HTR7: variants seen among roughly 807,000 people sequenced by gnomAD.
HTR7 encodes the protein 5-HT-7.
A neutral mutation model predicts 34.0 loss-of-function variants in HTR7; 16 were observed. That is an observed-to-expected ratio of 0.47 (90% CI 0.32 to 0.71). The LOEUF (loss-of-function observed/expected upper bound fraction) is 0.71, where lower values mean the gene tolerates loss of function less well. Among genes scored for constraint, HTR7 ranks in the 30% least tolerant of loss-of-function variants. HTR7 has a pLI of 0.04. For missense variants in HTR7, 504 were observed against 625.5 expected, an observed-to-expected ratio of 0.81 and a Z score of 2.07; for synonymous variants, 265 against 260.2, an observed-to-expected ratio of 1.02 and a Z score of -0.18.
In HTR7 at chr10:90,857,004, G is replaced by T; in HGVS notation, c.539+129C>A. 1 of 813,184 alleles carries T rather than the reference G, an allele frequency of 1.2e-6. No homozygotes were observed. The highest frequency in any genetic ancestry group is 1.9e-6 in the Non-Finnish European group (1 of 522,088). 50.4% of individuals were successfully genotyped at this position (813,184 alleles called of 1,614,324 possible). ...GGTGTAGGGTGGATTGGGGGGAGCG[G>T]TGTTTTAAGCGCAGCCCTTCATCCC... On this transcript the variant is annotated intron_variant, in intron 1 of 3. Transcript: ENST00000336152. The surrounding 1 kb of genome is among the most constrained non-coding windows in gnomAD (Gnocchi z 6.5).
chr10:90,787,695 G>A (rs1440390361), intron 1 of HTR7, among the ~76,000 whole-genome samples: 1 of 151,850 alleles, frequency 6.6e-6, no homozygotes, highest in African/African-American at 2.4e-5. Context: ...AAATGAATGA[G>A]GAATTGTAAA....
chr10:90,750,444 A>G (rs1844715880), intron 1 of HTR7, among the ~76,000 whole-genome samples: 2 of 152,338 alleles, frequency 1.3e-5, no homozygotes, highest in East Asian at 3.9e-4. Flanking sequence ...CATATACAGA[A>G]AAGATGTTCT....
At chr10:90,797,530 C>T (rs572814338) in intron 1 of HTR7, among the ~76,000 whole-genome samples, 1 of 152,304 alleles carries the variant, frequency 6.6e-6, no homozygotes, top group South Asian at 2.1e-4. Context: ...ATTGTGGTAA[C>T]TTGAAGGCCT....
chr10:90,751,824 C>A (rs977897549), intron 1 of HTR7, among the ~76,000 whole-genome samples: 2 of 152,210 alleles, frequency 1.3e-5, no homozygotes, highest in Admixed American at 6.5e-5. Flanking sequence ...CTTACTAGAA[C>A]TATGCCTTCC....
intron 1 of HTR7, among the ~76,000 whole-genome samples, chr10:90,784,691 T>C (rs1427907936): frequency 6.6e-6 from 1 of 152,208 alleles, no homozygotes; most frequent in Non-Finnish European, 1.5e-5. Context: ...TTAATGTGAA[T>C]TGACTTTACT....
intron 3 of HTR7, among the ~76,000 whole-genome samples, chr10:90,743,103 C>T (rs2119656479): frequency 6.7e-6 from 1 of 149,884 alleles, no homozygotes; most frequent in East Asian, 2.0e-4. Context: ...CCTCAACTTA[C>T]CACACTACAT....
At chr10:90,821,733 T>C (rs1056268148) in intron 1 of HTR7, among the ~76,000 whole-genome samples, 3 of 152,188 alleles carry the variant, frequency 2.0e-5, no homozygotes, top group African/African-American at 7.2e-5. Context: ...TCTTCAGTGT[T>C]GGAGAAAGGG....
At chr10:90,788,698 T>G (rs2119872138) in intron 1 of HTR7, among the ~76,000 whole-genome samples, 1 of 152,308 alleles carries the variant, frequency 6.6e-6, no homozygotes, top group Non-Finnish European at 1.5e-5. Context: ...AAATTTTGAA[T>G]GTACTTCATA....
chr10:90,742,545 G>A lies in HTR7; in HGVS notation c.1394-17C>T. 6.5e-7 allele frequency: 1 copy of A among 1,530,530 alleles called. No individual in the cohort carries two copies. The highest frequency in any genetic ancestry group is 8.9e-7 in the Non-Finnish European group (1 of 1,117,666). 94.8% of individuals were successfully genotyped at this position (1,530,530 alleles called of 1,614,324 possible). A position where few individuals can be genotyped will look rare whatever the true frequency, so the allele number is the denominator to read the frequency against. The stretch of plus-strand genomic sequence containing the variant: ...GCATTTTGTCTAAAAAAAAGAGAGA[G>A]AAAAATAGAAAATAATTTAGTAGAA... On this transcript the variant is annotated splice_polypyrimidine_tract_variant and intron_variant, in intron 3 of 3. Coordinates refer to ENST00000336152, the MANE Select transcript of HTR7 (RefSeq NM_019859.4).
At chr10:90,813,072 C>T (rs1845840851) in intron 1 of HTR7, among the ~76,000 whole-genome samples, 1 of 152,032 alleles carries the variant, frequency 6.6e-6, no homozygotes. Flanking sequence ...CCACTCCTGC[C>T]CGCCAGAGAA....
chr10:90,833,315 T>G (rs1356654946), intron 1 of HTR7, among the ~76,000 whole-genome samples: 1 of 152,226 alleles, frequency 6.6e-6, no homozygotes, highest in Non-Finnish European at 1.5e-5. Flanking sequence ...GATACATGAT[T>G]TACCATGAAT....
chr10:90,749,548 C>T lies in HTR7; in HGVS notation c.586G>A (p.Gly196Arg). 6.2e-7 allele frequency: 1 copy of T among 1,613,924 alleles called. No individual in the cohort carries two copies. The highest frequency in any genetic ancestry group is 8.5e-7 in the Non-Finnish European group (1 of 1,179,890). The change falls in exon 2 of 4, where the codon GGG becomes AGG. Residue 196 changes from glycine (G) to arginine (R), a missense_variant. Transcript: ENST00000336152. This position sits in a 1 kb window ranked among gnomAD's most constrained non-coding sequence, Gnocchi z 4.2. ...RPLTYPVRQN[G>R]KCMAKMILSV... ...AGAATCATCTTCGCCATGCATTTCC[C>T]ATTCTGCCTCACAGGGTATGTGAGG... is the stretch of plus-strand genomic sequence containing the variant.
chr10:90,784,972 A>G (rs1012740846), intron 1 of HTR7, among the ~76,000 whole-genome samples: 1 of 152,202 alleles, frequency 6.6e-6, no homozygotes, highest in South Asian at 2.1e-4. Context: ...TCTTCAGGCT[A>G]AGACTTACTC....
intron 1 of HTR7, among the ~76,000 whole-genome samples, chr10:90,756,957 A>G (rs1041935606): frequency 2.0e-5 from 3 of 152,180 alleles, no homozygotes; most frequent in East Asian, 1.9e-4. Flanking sequence ...CCTGAATTAT[A>G]CTTGTTAATT....
intron 1 of HTR7, among the ~76,000 whole-genome samples, chr10:90,755,297 T>C (rs950985561): frequency 3.9e-5 from 6 of 152,242 alleles, no homozygotes; most frequent in African/African-American, 1.4e-4. Flanking sequence ...GTGGTCTTTA[T>C]ATTTTAATCA....
At chr10:90,849,504 G>A in intron 1 of HTR7, among the ~76,000 whole-genome samples, 1 of 152,132 alleles carries the variant, frequency 6.6e-6, no homozygotes, top group Non-Finnish European at 1.5e-5. Context: ...AAAGAATCTG[G>A]TACAATAGAG....
At chr10:90,814,008 CAAGA>C (rs1269286177) in intron 1 of HTR7, among the ~76,000 whole-genome samples, 1 of 152,200 alleles carries the variant, frequency 6.6e-6, no homozygotes, top group Non-Finnish European at 1.5e-5. Flanking sequence ...CTCTCTTTCG[CAAGA>C]GAGAGAGCTG....
At chr10:90,816,274 A>T (rs1188841480) in intron 1 of HTR7, among the ~76,000 whole-genome samples, 1 of 152,210 alleles carries the variant, frequency 6.6e-6, no homozygotes, top group Non-Finnish European at 1.5e-5. Flanking sequence ...TGTAAAGCAT[A>T]CTTTTGTGAG....
Position 90,749,523 on chromosome 10 carries a change from A to T in HTR7, c.611T>A (p.Leu204His). The stretch of plus-strand genomic sequence containing the variant: ...GGAGGCGGAGAGAAGCCAGACGGAG[A>T]GAATCATCTTCGCCATGCATTTCCC... ...QNGKCMAKMI[L>H]SVWLLSASIT... The change falls in exon 2 of 4, where the codon CTC (leucine) becomes CAC (histidine). Residue 204 changes from leucine (L) to histidine (H), a missense_variant. Leu to His is a moderately conservative substitution (Grantham distance 99). This residue lies in a region of HTR7 where 154 missense variants were observed against 248.8 expected (regional missense o/e 0.62). Coordinates refer to ENST00000336152, the MANE Select transcript of HTR7 (RefSeq NM_019859.4). The surrounding 1 kb of genome is among the most constrained non-coding windows in gnomAD (Gnocchi z 4.2). 6.2e-7 allele frequency: 1 copy of T among 1,614,142 alleles called. No homozygotes were observed. The highest frequency in any genetic ancestry group is 8.5e-7 in the Non-Finnish European group (1 of 1,179,998).
Sources: allele counts gnomAD v4.1 joint callset (sites outside exome capture counted in the v4.1 genomes callset), GRCh38; gene constraint gnomAD v4.1.1; regional missense constraint gnomAD v4.1.1; non-coding constraint Gnocchi (gnomAD v3.1); transcripts MANE v1.5; gene names NCBI Gene and HGNC (gene_info 2026-07-23, HGNC 2026-07-21).